The following FGF19 variants were observed in gnomAD, a reference collection of about 807,000 sequenced individuals.
FGF19 encodes fibroblast growth factor 19, also known as FGF-19.
FGF19 carries 5 observed loss-of-function variants against 8.9 expected under a neutral mutation model. The ratio of observed to expected loss-of-function variants is 0.56; its 90% CI spans 0.29 to 1.18. FGF19 has a LOEUF of 1.18. Ranked by LOEUF, FGF19 falls within the 50% of genes most tolerant of loss-of-function variation. FGF19 has a pLI of 0.08. For synonymous variants in FGF19, 124 were observed against 128.0 expected, an observed-to-expected ratio of 0.97 and a Z score of 0.21; for missense variants, 237 against 293.9, an observed-to-expected ratio of 0.81 and a Z score of 1.42.
At chr11:69,700,527 G>A (rs937582869) in intron 2 of FGF19, among the ~76,000 whole-genome samples, 1 of 152,214 alleles carries the variant, frequency 6.6e-6, no homozygotes, top group Non-Finnish European at 1.5e-5. Context: ...GGGAAACACT[G>A]ATAAACTGGG....
In FGF19 at chr11:69,702,382, C is replaced by T. The variant is rs1854782461; in HGVS notation, c.336+879G>A. Among the ~76,000 whole-genome samples, 1 of 152,160 alleles carries T rather than the reference C, an allele frequency of 6.6e-6. No individual in the cohort carries two copies. Among genetic ancestry groups the T allele is most frequent in the Non-Finnish European group, 1.5e-5 (1 of 68,032 alleles). On this transcript the variant is annotated intron_variant, in intron 2 of 2. Transcript: ENST00000294312. This position sits in a 1 kb window ranked among gnomAD's most constrained non-coding sequence, Gnocchi z 4.6. ...CTGGGGTGGGGGCCCCGGGCAGGCG[C>T]GGCCACCCCCGCCCTGGCCCCTGCT...
rs943709172 is a variant in FGF19 at position 69,699,817 on chromosome 11, A to G, written c.337-241T>C. 5.3e-5 allele frequency among the ~76,000 whole-genome samples: 8 copies of G among 152,202 alleles called. No homozygotes were observed. The East Asian group carries it at 1.3e-3, about 26-fold the overall frequency. ...AATGTACTTTAAGGCCAGGCACAGT[A>G]GGTCACACCTGTAGTCCCAGCACTT... On this transcript the variant is annotated intron_variant, in intron 2 of 2. Transcript: ENST00000294312.
Position 69,703,708 on chromosome 11 carries a change from T to A in FGF19, c.169A>T (p.Ser57Cys), listed in dbSNP as rs1302514612. 5 of 1,233,004 alleles carry A rather than the reference T, an allele frequency of 4.1e-6. No individual in the cohort carries two copies. The highest frequency in any genetic ancestry group is 3.1e-4 in the Middle Eastern group (1 of 3,244). The allele number at this position is 1,233,004 out of a possible 1,614,324, so 76.4% of individuals were successfully genotyped here. A position where few individuals can be genotyped will look rare whatever the true frequency, so the allele number is the denominator to read the frequency against. Reference protein sequence around the residue: ...LYTSGPHGLSSCFLRIRADGV... With the variant: ...LYTSGPHGLSCCFLRIRADGV... Reference sequence around the variant, plus strand: ...TCGGCACGGATGCGCAGGAAGCAGCTGGAGAGCCCGTGGGGGCCGGAGGTG... The same window carrying A: ...TCGGCACGGATGCGCAGGAAGCAGCAGGAGAGCCCGTGGGGGCCGGAGGTG... Residue 57 changes from serine to cysteine, a missense_variant, in exon 1 of 3, where the codon AGC (serine) becomes TGC (cysteine). Transcript: ENST00000294312. This position sits in a 1 kb window ranked among gnomAD's most constrained non-coding sequence, Gnocchi z 6.8.
Position 69,698,871 on chromosome 11 carries a change from T to G in FGF19, c.*391A>C, listed in dbSNP as rs1293668348. ...CCTGAAATTAAAACTACTGCCTGTC[T>G]TCTGGCTGCTCCTGGGGAAGTGATG... On this transcript the variant is annotated 3_prime_UTR_variant, in exon 3 of 3. Coordinates refer to ENST00000294312, the MANE Select transcript of FGF19 (RefSeq NM_005117.3). 4.0e-6 allele frequency: 1 copy of G among 248,070 alleles called. No individual in the cohort carries two copies. Among genetic ancestry groups the G allele is most frequent in the East Asian group, 6.2e-5 (1 of 16,056 alleles). The allele number at this position is 248,070 out of a possible 1,614,324, so 15.4% of individuals were successfully genotyped here.
rs1297124836 is a variant in FGF19, at chr11:69,698,364, T to C, written c.*898A>G. 3 of 186,524 alleles carry C rather than the reference T, an allele frequency of 1.6e-5. No homozygotes were observed. Among genetic ancestry groups the C allele is most frequent in the African/African-American group, 2.3e-5 (1 of 42,856 alleles). 11.6% of individuals were successfully genotyped at this position (186,524 alleles called of 1,614,324 possible). A position where few individuals can be genotyped will look rare whatever the true frequency, so the allele number is the denominator to read the frequency against. ...CAAAATAAATTACTCATAAATATCA[T>C]GTTGGAAAACCAAGTGCTGGGGAAA... On this transcript the variant is annotated 3_prime_UTR_variant, in exon 3 of 3. Coordinates refer to ENST00000294312, the MANE Select transcript of FGF19 (RefSeq NM_005117.3).
chr11:69,699,252 A>G lies in FGF19; in HGVS notation c.*10T>C. 6.3e-7 allele frequency: 1 copy of G among 1,595,928 alleles called. No individual in the cohort carries two copies. The highest frequency in any genetic ancestry group is 8.5e-7 in the Non-Finnish European group (1 of 1,169,948). On this transcript the variant is annotated 3_prime_UTR_variant, in exon 3 of 3. Coordinates refer to ENST00000294312, the MANE Select transcript of FGF19 (RefSeq NM_005117.3). ...CTGGCAGCAGTGAAGAGGCCCGGGC[A>G]TGGTCTCAGTTACTTCTCAAAGCTG...
In FGF19 at chr11:69,703,932, GC is replaced by G; in HGVS notation, c.-57del. The stretch of plus-strand genomic sequence containing the variant: ...CGGCGATGGGGGTGCGGGAGGCTGG[GC>G]GGCGACCGGGATGCGCTGCGGGGCT... On this transcript the variant is annotated 5_prime_UTR_variant, in exon 1 of 3. Coordinates refer to ENST00000294312, the MANE Select transcript of FGF19 (RefSeq NM_005117.3). This position sits in a 1 kb window ranked among gnomAD's most constrained non-coding sequence, Gnocchi z 6.8. 9.1e-7 allele frequency: 1 copy of G among 1,104,298 alleles called. No homozygotes were observed. The highest frequency in any genetic ancestry group is 1.2e-6 in the Non-Finnish European group (1 of 867,448). The allele number at this position is 1,104,298 out of a possible 1,614,324, so 68.4% of individuals were successfully genotyped here. A position where few individuals can be genotyped will look rare whatever the true frequency, so the allele number is the denominator to read the frequency against.
rs1376908325 is a variant in FGF19 at position 69,699,564 on chromosome 11, C to T, written c.349G>A (p.Glu117Lys). 10 of 1,609,940 alleles carry T rather than the reference C, an allele frequency of 6.2e-6. No homozygotes were observed. Among genetic ancestry groups the T allele is most frequent in the Non-Finnish European group, 8.5e-6 (10 of 1,177,430 alleles). ...GKMQGLLQYS[E>K]EDCAFEEEIR... ...TCCTCCTCGAAAGCACAGTCTTCCTCCGAGTACTGAAGCTGCAGAGAAAAC... is the reference window on the plus strand; with the variant it reads ...TCCTCCTCGAAAGCACAGTCTTCCTTCGAGTACTGAAGCTGCAGAGAAAAC... Residue 117 changes from glutamate to lysine, a missense_variant, in exon 3 of 3, where the codon GAG (glutamate) becomes AAG (lysine). Glu to Lys is a moderately conservative substitution (Grantham distance 56). Transcript: ENST00000294312.
chr11:69,700,029 C>T (rs1293999877), intron 2 of FGF19, among the ~76,000 whole-genome samples: 1 of 151,640 alleles, frequency 6.6e-6, no homozygotes, highest in Non-Finnish European at 1.5e-5. Flanking sequence ...GTCAAGGCTG[C>T]ACTGAGCAAT....
Position 69,699,526 on chromosome 11 carries a change from A to G in FGF19, c.387T>C (p.Asp129=). ...TCTCGGATCGGTACACATTGTAGCC[A>G]TCTGGGCGGATCTCCTCCTCGAAAG... is the stretch of plus-strand genomic sequence containing the variant. The part of the protein sequence containing the change: ...DCAFEEEIRP[D]GYNVYRSEKH... Residue 129 remains aspartate (D), a synonymous_variant, in exon 3 of 3, where the codon GAT becomes GAC. Transcript: ENST00000294312. The G allele has an allele frequency of 6.2e-7, 1 of 1,613,964 alleles. No individual in the cohort carries two copies. Among genetic ancestry groups the G allele is most frequent in the Non-Finnish European group, 8.5e-7 (1 of 1,179,952 alleles).
Position 69,703,345 on chromosome 11 carries a change from T to A in FGF19, c.252A>T (p.Ala84=), listed in dbSNP as rs1291943403. The change falls in exon 2 of 3, where the codon GCA becomes GCT. Residue 84 remains alanine (A), a synonymous_variant. Transcript: ENST00000294312. The surrounding 1 kb of genome is among the most constrained non-coding windows in gnomAD (Gnocchi z 6.8). ...TGATGGCCACGGTCCGCAGAGCGACTGCCTTGATCTCCAGCAAACCTAGGC... is the reference window on the plus strand; with the variant it reads ...TGATGGCCACGGTCCGCAGAGCGACAGCCTTGATCTCCAGCAAACCTAGGC... ...QSAHSLLEIK[A]VALRTVAIKG... 6.2e-7 allele frequency: 1 copy of A among 1,609,426 alleles called. No individual in the cohort carries two copies. The highest frequency in any genetic ancestry group is 8.5e-7 in the Non-Finnish European group (1 of 1,178,370).
chr11:69,701,142 C>T (rs1391143883), intron 2 of FGF19, among the ~76,000 whole-genome samples: 1 of 152,218 alleles, frequency 6.6e-6, no homozygotes, highest in East Asian at 1.9e-4. Context: ...GTGATTTCTC[C>T]CAAACTCCCA....
In FGF19 at chr11:69,702,234, A is replaced by T. The variant is rs146470770; in HGVS notation, c.336+1027T>A. Among the ~76,000 whole-genome samples, 709 of 152,262 alleles carry T rather than the reference A, an allele frequency of 4.7e-3. 7 individuals carry two copies. Among genetic ancestry groups the T allele is most frequent in the African/African-American group, 0.016 (680 of 41,546 alleles). ...AGGACTCCGCCATAAAACCTGAAAC[A>T]GGCGCTCCGAGTACACGGAGCACGG... On this transcript the variant is annotated intron_variant, in intron 2 of 2. Transcript: ENST00000294312. This position sits in a 1 kb window ranked among gnomAD's most constrained non-coding sequence, Gnocchi z 4.6.
Position 69,703,446 on chromosome 11 carries a change from C to T in FGF19, c.233-82G>A. The T allele has an allele frequency of 8.8e-7, 1 of 1,142,134 alleles. No individual in the cohort carries two copies. The highest frequency in any genetic ancestry group is 1.3e-6 in the Non-Finnish European group (1 of 791,354). The allele number at this position is 1,142,134 out of a possible 1,614,324, so 70.7% of individuals were successfully genotyped here. A position where few individuals can be genotyped will look rare whatever the true frequency, so the allele number is the denominator to read the frequency against. On this transcript the variant is annotated intron_variant, in intron 1 of 2. Coordinates refer to ENST00000294312, the MANE Select transcript of FGF19 (RefSeq NM_005117.3). The surrounding 1 kb of genome is among the most constrained non-coding windows in gnomAD (Gnocchi z 6.8). ...GGTGCGGTCGGTCCACAAGCCTGTG[C>T]TTCTCCCTAGCGTCCCGCGCTGTTT...
chr11:69,701,236 G>C (rs889665908), intron 2 of FGF19, among the ~76,000 whole-genome samples: 1 of 152,216 alleles, frequency 6.6e-6, no homozygotes, highest in Non-Finnish European at 1.5e-5. Context: ...TGTCCTTTGG[G>C]AGAAATTAGT....
intron 2 of FGF19, among the ~76,000 whole-genome samples, chr11:69,701,960 T>A (rs1590932183): frequency 1.8e-5 from 1 of 57,042 alleles, no homozygotes; most frequent in South Asian, 8.7e-4. Flanking sequence ...AGAGCAAGAC[T>A]CTGCCAAAAA....
At chr11:69,700,121 A>G (rs1266490823) in intron 2 of FGF19, among the ~76,000 whole-genome samples, 1 of 152,054 alleles carries the variant, frequency 6.6e-6, no homozygotes, top group Non-Finnish European at 1.5e-5. Flanking sequence ...CCACAACTAT[A>G]TATATACACA....
intron 2 of FGF19, among the ~76,000 whole-genome samples, chr11:69,699,799 T>A (rs932428367): frequency 6.6e-6 from 1 of 152,192 alleles, no homozygotes; most frequent in Non-Finnish European, 1.5e-5. Flanking sequence ...TATAATGTAC[T>A]TTAAGGCCAG....
At position 69,699,254 on chromosome 11, in the gene FGF19, G is replaced by A. The variant is rs1315971502; in HGVS notation, c.*8C>T. On this transcript the variant is annotated 3_prime_UTR_variant, in exon 3 of 3. Coordinates refer to ENST00000294312, the MANE Select transcript of FGF19 (RefSeq NM_005117.3). ...GGCAGCAGTGAAGAGGCCCGGGCAT[G>A]GTCTCAGTTACTTCTCAAAGCTGGG... The A allele has an allele frequency of 6.3e-7, 1 of 1,597,084 alleles. No individual in the cohort carries two copies. The highest frequency in any genetic ancestry group is 1.7e-5 in the Admixed American group (1 of 58,684).
Sources: gnomAD v4.1 joint callset for allele counts (sites outside exome capture counted in the v4.1 genomes callset) on GRCh38, gnomAD v4.1.1 for gene constraint, Gnocchi (gnomAD v3.1) non-coding constraint, MANE v1.5 for transcripts, NCBI Gene and HGNC (gene_info 2026-07-23, HGNC 2026-07-21) for gene names.